Variants in LTBP2 observed in about 807,000 individuals in gnomAD.
LTBP2 encodes the protein latent transforming growth factor beta binding protein 2.
A neutral mutation model predicts 210.6 loss-of-function variants in LTBP2; 103 were observed. The observed-to-expected ratio is 0.49, with a 90% CI of 0.42 to 0.58. The LOEUF (loss-of-function observed/expected upper bound fraction) is 0.58. LTBP2 is among the 20% of genes least tolerant of loss of function. The probability of loss-of-function intolerance (pLI) is 0.00; values close to 1 mark genes in which losing one functional copy is unlikely to be tolerated. For synonymous variants in LTBP2, 1,007 were observed against 1,015.0 expected (o/e 0.99, Z 0.15); for missense variants, 2,313 against 2,494.5 (o/e 0.93, Z 1.55).
In LTBP2 at chr14:74,522,854, G is replaced by A. The variant is rs376448108; in HGVS notation, c.2595C>T (p.Pro865=). 23 of 1,612,722 alleles carry A rather than the reference G, an allele frequency of 1.4e-5. No individual in the cohort carries two copies. Among genetic ancestry groups the A allele is most frequent in the Admixed American group, 1.2e-4 (7 of 59,856 alleles). The change falls in exon 16 of 36, where the codon CCC becomes CCT. Residue 865 remains proline (P), a synonymous_variant. Coordinates refer to ENST00000261978, the MANE Select transcript of LTBP2 (RefSeq NM_000428.3). The part of the protein sequence containing the change: ...VCGPGTCVNL[P]DGYRCVCSPG... Reference sequence around the variant, plus strand: ...GGCTGCAGACACATCTGTATCCATCGGGGAGGTTCACGCAGGTTCCAGGGC... The same window carrying A: ...GGCTGCAGACACATCTGTATCCATCAGGGAGGTTCACGCAGGTTCCAGGGC...
intron 11 of LTBP2, 106 bp downstream of exon 11, chr14:74,528,852 G>C (rs2087312146): frequency 3.3e-6 from 5 of 1,520,696 alleles, no homozygotes; most frequent in South Asian, 2.4e-5. Context: ...GGCAGGGAAG[G>C]CTACTTCAGT....
chr14:74,507,860 T>C, intron 25 of LTBP2, 113 bp downstream of exon 25: 1 of 1,439,416 alleles, frequency 6.9e-7, no homozygotes, highest in Non-Finnish European at 9.7e-7. Context: ...ATACACTATT[T>C]GTTGGACACT....
At chr14:74,572,755 G>A (rs1053671242) in intron 3 of LTBP2, among the ~76,000 whole-genome samples, 4 of 151,784 alleles carry the variant, frequency 2.6e-5, no homozygotes, top group Admixed American at 2.6e-4. Context: ...ACACACACAC[G>A]CATACACACA....
intron 3 of LTBP2, among the ~76,000 whole-genome samples, chr14:74,567,033 G>C (rs1299514860): frequency 6.6e-6 from 1 of 152,312 alleles, no homozygotes; most frequent in East Asian, 1.9e-4. Context: ...CTCCTGTCCA[G>C]ACCACACCCT....
intron 3 of LTBP2, among the ~76,000 whole-genome samples, chr14:74,569,593 G>C (rs1273585979): frequency 6.6e-6 from 1 of 152,216 alleles, no homozygotes. Context: ...AGCCAGCTGT[G>C]CTGAGGGGCA....
chr14:74,506,240 C>A (rs2086982356), intron 27 of LTBP2, 49 bp from the exon 28 acceptor site: 2 of 1,612,366 alleles, frequency 1.2e-6, no homozygotes, highest in Non-Finnish European at 8.5e-7. Context: ...GCAGCCCGTG[C>A]CCCCTGCCCC....
At chr14:74,559,263 G>A (rs2139756879) in intron 3 of LTBP2, among the ~76,000 whole-genome samples, 1 of 152,288 alleles carries the variant, frequency 6.6e-6, no homozygotes, top group Non-Finnish European at 1.5e-5. Flanking sequence ...ACAGGGCCAA[G>A]TGTCTAATCT....
chr14:74,570,631 A>AT (rs34228641), intron 3 of LTBP2, among the ~76,000 whole-genome samples: 68,895 of 152,036 alleles, frequency 0.45, 16,841 homozygotes, highest in Non-Finnish European at 0.56. Flanking sequence ...AAGGCATTTT[A>AT]TTTTTTTATT....
intron 27 of LTBP2, among the ~76,000 whole-genome samples, 157 bp from the exon 28 acceptor site, chr14:74,506,348 G>A (rs1595239983): frequency 6.6e-6 from 1 of 152,234 alleles, no homozygotes; most frequent in East Asian, 1.9e-4. Flanking sequence ...AATGGACAGA[G>A]GGCATGGGAA....
chr14:74,558,236 AAC>A lies in LTBP2; in HGVS notation c.831-2545_831-2544del, dbSNP rs1249309539. On this transcript the variant is annotated intron_variant, in intron 3 of 35. Coordinates refer to ENST00000261978, the MANE Select transcript of LTBP2 (RefSeq NM_000428.3). Reference sequence around the variant, plus strand: ...CCAACAGAGAGACACCCCATCAAAAAACACAAAAATTAGCCGGGCTTGGTGGC... The same window carrying A: ...CCAACAGAGAGACACCCCATCAAAAAACAAAAATTAGCCGGGCTTGGTGGC... 7.2e-5 allele frequency among the ~76,000 whole-genome samples: 11 copies of A among 152,258 alleles called. No individual in the cohort carries two copies. The East Asian group carries it at 2.1e-3, about 29-fold the overall frequency.
At chr14:74,539,516 A>G (rs2358796) in intron 8 of LTBP2, among the ~76,000 whole-genome samples, 129,557 of 152,076 alleles carry the variant, frequency 0.85, 57,553 homozygotes, top group Non-Finnish European at 0.99. Flanking sequence ...AGACCAGCCC[A>G]GGCAACATGG....
intron 2 of LTBP2, among the ~76,000 whole-genome samples, chr14:74,597,609 T>A (rs993573058): frequency 6.6e-6 from 1 of 152,154 alleles, no homozygotes; most frequent in Non-Finnish European, 1.5e-5. Flanking sequence ...GGACATCTCC[T>A]AATCACCTCG....
chr14:74,602,609 C>G (rs2088463864), intron 2 of LTBP2, among the ~76,000 whole-genome samples: 1 of 152,240 alleles, frequency 6.6e-6, no homozygotes, highest in African/African-American at 2.4e-5. Flanking sequence ...CCACCCGCCA[C>G]AGAGGATGTT....
chr14:74,576,605 C>A (rs529614672), intron 3 of LTBP2, among the ~76,000 whole-genome samples: 2 of 151,950 alleles, frequency 1.3e-5, no homozygotes, highest in East Asian at 3.9e-4. Flanking sequence ...TCTGGGGTCA[C>A]CACATACAGC....
At chr14:74,501,149 A>G in intron 35 of LTBP2, 120 bp from the exon 36 acceptor site, 6 of 1,287,894 alleles carry the variant, frequency 4.7e-6, no homozygotes, top group Non-Finnish European at 6.6e-6. Context: ...TGTGACAGCC[A>G]GAGGCTGAAG....
chr14:74,573,932 G>A (rs75244433), intron 3 of LTBP2, among the ~76,000 whole-genome samples: 2,549 of 152,246 alleles, frequency 0.017, 77 homozygotes, highest in African/African-American at 0.059. Context: ...TTGATAGCAC[G>A]ACTGGGGAGT....
chr14:74,531,966 C>A (rs545404302), intron 10 of LTBP2, among the ~76,000 whole-genome samples: 1 of 152,278 alleles, frequency 6.6e-6, no homozygotes, highest in South Asian at 2.1e-4. Flanking sequence ...CCACAAGGGG[C>A]CACAGGATTG....
Position 74,527,336 on chromosome 14 carries a change from G to A in LTBP2, c.2388+11C>T. 6.2e-7 allele frequency: 1 copy of A among 1,611,190 alleles called. No homozygotes were observed. Among genetic ancestry groups the A allele is most frequent in the Non-Finnish European group, 8.5e-7 (1 of 1,179,160 alleles). ...TGCTTGCCCGGCCCCCTAGTGGGAG[G>A]ACGCACTCACCTGGCCAGCCTGAGA... On this transcript the variant is annotated intron_variant, in intron 13 of 35. Transcript: ENST00000261978.
intron 2 of LTBP2, among the ~76,000 whole-genome samples, chr14:74,593,589 C>G (rs768198252): frequency 2.6e-5 from 4 of 152,170 alleles, no homozygotes; most frequent in Non-Finnish European, 5.9e-5. Context: ...TAGCCACGAA[C>G]TGTATGTGGT....
Sources: gnomAD v4.1 joint callset for allele counts (sites outside exome capture counted in the v4.1 genomes callset) on GRCh38, gnomAD v4.1.1 for gene constraint, MANE v1.5 for transcripts, NCBI Gene and HGNC (gene_info 2026-07-23, HGNC 2026-07-21) for gene names.